Variants in SIMC1 observed in about 807,000 individuals in gnomAD.
The protein encoded by SIMC1 is SUMO-interacting motif-containing protein 1.
In SIMC1, 55 loss-of-function variants were observed where a neutral mutation model predicts 82.3. That is an observed-to-expected ratio of 0.67 (90% CI 0.54 to 0.84). The LOEUF (loss-of-function observed/expected upper bound fraction) is 0.84. Among genes scored for constraint, SIMC1 ranks in the 40% least tolerant of loss-of-function variants. SIMC1 has a pLI of 0.00. For synonymous variants in SIMC1, 353 were observed against 426.3 expected, an observed-to-expected ratio of 0.83 and a Z score of 2.12; for missense variants, 915 against 1,107.2, an observed-to-expected ratio of 0.83 and a Z score of 2.46.
chr5:176,288,906 A>G (rs1334330253), intron 1 of SIMC1, among the ~76,000 whole-genome samples: 1 of 152,204 alleles, frequency 6.6e-6, no homozygotes, highest in Admixed American at 6.5e-5. Flanking sequence ...GGCTTTGTGA[A>G]TAGCCTGATC....
chr5:176,277,592 T>A (rs1354418856), intron 1 of SIMC1, among the ~76,000 whole-genome samples: 1 of 152,106 alleles, frequency 6.6e-6, no homozygotes, highest in African/African-American at 2.4e-5. Flanking sequence ...GTCTAACGTT[T>A]AAGTCTTTAA....
chr5:176,342,913 C>T (rs1256429270), intron 9 of SIMC1, among the ~76,000 whole-genome samples: 1 of 152,208 alleles, frequency 6.6e-6, no homozygotes, highest in East Asian at 1.9e-4. Context: ...GCCCAAGGCT[C>T]TAAATTCCAC....
intron 4 of SIMC1, among the ~76,000 whole-genome samples, chr5:176,300,475 T>C (rs772902937): frequency 1.8e-5 from 2 of 110,822 alleles, no homozygotes; most frequent in Non-Finnish European, 3.9e-5. Flanking sequence ...TGCGTCACCA[T>C]ACTCAGCTAA....
At chr5:176,303,615 C>T (rs1030431413) in intron 4 of SIMC1, among the ~76,000 whole-genome samples, 12 of 152,150 alleles carry the variant, frequency 7.9e-5, no homozygotes, top group African/African-American at 2.7e-4. Context: ...CCACCATGCC[C>T]GGCCAGTCAA....
rs1554110614 is a variant in SIMC1, at chr5:176,294,981, AAAAAAG to A, written c.1432-44_1432-39del. ...CTCCGTCTCAAAAAAAAAAAAAAAA[AAAAAAG>A]AAAAGAAATCCCTCCTAATTTCCTT... On this transcript the variant is annotated intron_variant, in intron 2 of 9. Transcript: ENST00000429602. 1.4e-5 allele frequency: 22 copies of A among 1,539,100 alleles called. No individual in the cohort carries two copies. In the East Asian group the frequency reaches 3.5e-4, roughly 25 times the overall value.
intron 4 of SIMC1, among the ~76,000 whole-genome samples, chr5:176,311,294 G>A (rs1196997743): frequency 6.6e-6 from 1 of 152,172 alleles, no homozygotes; most frequent in African/African-American, 2.4e-5. Context: ...CTGGAGTGCA[G>A]TGGCATGATC....
At chr5:176,336,468 A>C (rs768855855) in intron 7 of SIMC1, among the ~76,000 whole-genome samples, 43 of 152,188 alleles carry the variant, frequency 2.8e-4, no homozygotes, top group Non-Finnish European at 5.0e-4. Flanking sequence ...GACAATGTGT[A>C]GTAATTATTT....
At chr5:176,321,133 A>G (rs1334728996) in intron 5 of SIMC1, among the ~76,000 whole-genome samples, 1 of 152,144 alleles carries the variant, frequency 6.6e-6, no homozygotes, top group Non-Finnish European at 1.5e-5. Flanking sequence ...GTTGTATTGC[A>G]TATACATGTA....
At chr5:176,305,538 T>A (rs1581282113) in intron 4 of SIMC1, among the ~76,000 whole-genome samples, 1 of 121,546 alleles carries the variant, frequency 8.2e-6, no homozygotes, top group Non-Finnish European at 1.7e-5. Context: ...GGTGGGGGGG[T>A]CAGCCCCCCG....
rs1300074529 is a variant in SIMC1, at chr5:176,306,434, G to A, written c.1735-7257G>A. On this transcript the variant is annotated intron_variant, in intron 4 of 9. Coordinates refer to ENST00000429602, the MANE Select transcript of SIMC1 (RefSeq NM_001308195.2). ...GTGTGCCCAACAGCTCATTGAGAAC[G>A]GGCCAGGATGACAATGGCGGCTTTG... is the stretch of plus-strand genomic sequence containing the variant. Among the ~76,000 whole-genome samples, 3 of 120,084 alleles carry A rather than the reference G, an allele frequency of 2.5e-5. 1 individual carries two copies. The highest frequency in any genetic ancestry group is 4.0e-5 in the Non-Finnish European group (2 of 49,918). The allele number at this position is 120,084 out of a possible 152,430, so 78.8% of individuals were successfully genotyped here. A position where few individuals can be genotyped will look rare whatever the true frequency, so the allele number is the denominator to read the frequency against.
At position 176,345,428 on chromosome 5, in the gene SIMC1, G is replaced by C; in HGVS notation, c.2659G>C (p.Gly887Arg). The C allele has an allele frequency of 6.2e-7, 1 of 1,613,100 alleles. No homozygotes were observed. Among genetic ancestry groups the C allele is most frequent in the Non-Finnish European group, 8.5e-7 (1 of 1,179,436 alleles). Reference sequence around the variant, plus strand: ...CCCTGATGCAGAGCCCTTTCAAAAGGGCTGGAGCGGCTCCTGAGGGCCTGC... The same window carrying C: ...CCCTGATGCAGAGCCCTTTCAAAAGCGCTGGAGCGGCTCCTGAGGGCCTGC... ...LNPDAEPFQK[G>R]WSGS The change falls in exon 10 of 10, where the codon GGC becomes CGC. Residue 887 changes from glycine to arginine, a missense_variant. By Grantham distance (125) the Gly-to-Arg change is moderately radical. Coordinates refer to ENST00000429602, the MANE Select transcript of SIMC1 (RefSeq NM_001308195.2).
chr5:176,265,512 G>T (rs796113184), intron 1 of SIMC1, among the ~76,000 whole-genome samples: 35 of 152,306 alleles, frequency 2.3e-4, no homozygotes, highest in African/African-American at 8.4e-4. Flanking sequence ...AGCCCCAAAA[G>T]AAAAGTGTTC....
intron 7 of SIMC1, among the ~76,000 whole-genome samples, chr5:176,327,677 G>A (rs186824286): frequency 7.5e-4 from 114 of 152,236 alleles, no homozygotes; most frequent in African/African-American, 2.6e-3. Context: ...TGATCTTAGG[G>A]TGAAAACATT....
At chr5:176,324,555 G>A in intron 6 of SIMC1, 74 bp from the exon 7 acceptor site, 1 of 1,512,724 alleles carries the variant, frequency 6.6e-7, no homozygotes. Flanking sequence ...ACACTGGTGG[G>A]GACCTCCTCC....
At chr5:176,250,224 C>A (rs557180214) in intron 1 of SIMC1, among the ~76,000 whole-genome samples, 10 of 152,004 alleles carry the variant, frequency 6.6e-5, no homozygotes, top group Non-Finnish European at 1.3e-4. Context: ...CGTTATTTAC[C>A]CAGTAGTTAT....
Position 176,256,463 on chromosome 5 carries a change from T to A in SIMC1, c.129+17826T>A, listed in dbSNP as rs1761855597. 3.3e-5 allele frequency among the ~76,000 whole-genome samples: 5 copies of A among 152,316 alleles called. No homozygotes were observed. In the South Asian group the frequency reaches 1.0e-3, roughly 32 times the overall value. On this transcript the variant is annotated intron_variant, in intron 1 of 9. Transcript: ENST00000429602. ...TATACTCAGACCTTCTATGGCATGT[T>A]TAGACCTTTAGTTTTGTCCTTCTTT...
At chr5:176,341,769 T>C (rs1342909709) in intron 9 of SIMC1, among the ~76,000 whole-genome samples, 2 of 152,160 alleles carry the variant, frequency 1.3e-5, no homozygotes, top group Non-Finnish European at 2.9e-5. Context: ...ATGATGATGA[T>C]GATGATGATG....
rs1174928098 is a variant in SIMC1, at chr5:176,272,746, C to A, written c.130-16908C>A. ...GGGGTCACTCCACCCTAATACTGTG[C>A]TTTTCCAATGGTCTTAGCAAACGGC... On this transcript the variant is annotated intron_variant, in intron 1 of 9. Coordinates refer to ENST00000429602, the MANE Select transcript of SIMC1 (RefSeq NM_001308195.2). 2.0e-5 allele frequency among the ~76,000 whole-genome samples: 3 copies of A among 152,308 alleles called. 1 individual carries two copies. The highest frequency in any genetic ancestry group is 4.8e-5 in the African/African-American group (2 of 41,570).
chr5:176,332,041 G>T lies in SIMC1; in HGVS notation c.2172-4679G>T, dbSNP rs747397086. Among the ~76,000 whole-genome samples, 8 of 151,786 alleles carry T rather than the reference G, an allele frequency of 5.3e-5. No homozygotes were observed. In the East Asian group the frequency reaches 1.2e-3, roughly 22 times the overall value. ...ATGTCTGAAATTGTCAATACAAAAAGATAAGAAAAAAGGTTATGTTTATTG... is the reference window on the plus strand; with the variant it reads ...ATGTCTGAAATTGTCAATACAAAAATATAAGAAAAAAGGTTATGTTTATTG... On this transcript the variant is annotated intron_variant, in intron 7 of 9. Transcript: ENST00000429602.
Sources: allele counts gnomAD v4.1 joint callset (sites outside exome capture counted in the v4.1 genomes callset), GRCh38; gene constraint gnomAD v4.1.1; transcripts MANE v1.5; gene names NCBI Gene and HGNC (gene_info 2026-07-23, HGNC 2026-07-21).